EFCAB6: variants seen among roughly 807,000 people sequenced by gnomAD.
EFCAB6 encodes the protein EF-hand calcium binding domain 6.
A neutral mutation model predicts 169.8 loss-of-function variants in EFCAB6; 156 were observed. That is an observed-to-expected ratio of 0.92 (90% CI 0.81 to 1.05). The LOEUF is 1.05. EFCAB6 is among the 50% of genes least tolerant of loss of function. EFCAB6 has a pLI of 0.00. For synonymous variants in EFCAB6, 698 were observed against 676.4 expected, an observed-to-expected ratio of 1.03 and a Z score of -0.50; for missense variants, 1,800 against 1,829.1, an observed-to-expected ratio of 0.98 and a Z score of 0.29.
chr22:43,612,739 A>G (rs1211263622), intron 21 of EFCAB6, among the ~76,000 whole-genome samples: 2 of 151,886 alleles, frequency 1.3e-5, no homozygotes, highest in Admixed American at 1.3e-4. Context: ...TAAAAATACA[A>G]AAAAATTAGC....
chr22:43,664,427 A>G (rs1033980875), intron 17 of EFCAB6, among the ~76,000 whole-genome samples: 2 of 152,256 alleles, frequency 1.3e-5, no homozygotes, highest in Admixed American at 1.3e-4. Context: ...GGGGAGGGCA[A>G]GCAAACAGAC....
intron 2 of EFCAB6, among the ~76,000 whole-genome samples, chr22:43,784,794 T>A (rs868397231): frequency 4.0e-5 from 6 of 148,574 alleles, no homozygotes; most frequent in Admixed American, 6.8e-5. Flanking sequence ...GTAGAATCAC[T>A]GAGCCCTGGC....
chr22:43,600,322 C>T, intron 22 of EFCAB6, 59 bp from the exon 23 acceptor site: 1 of 1,558,494 alleles, frequency 6.4e-7, no homozygotes, highest in Non-Finnish European at 8.8e-7. Flanking sequence ...TGTGCTGATG[C>T]TCAGGGTTTG....
intron 24 of EFCAB6, among the ~76,000 whole-genome samples, chr22:43,584,068 G>A (rs2050899964): frequency 6.6e-6 from 1 of 152,142 alleles, no homozygotes; most frequent in Non-Finnish European, 1.5e-5. Context: ...TAGTTTTCAA[G>A]TTTTAGAATC....
intron 11 of EFCAB6, among the ~76,000 whole-genome samples, chr22:43,685,086 G>A (rs1051390496): frequency 1.3e-5 from 2 of 152,226 alleles, no homozygotes; most frequent in African/African-American, 4.8e-5. Context: ...GGATTTGTGT[G>A]TTTTCAGTTG....
At chr22:43,560,746 A>G (rs2048978296) in intron 26 of EFCAB6, among the ~76,000 whole-genome samples, 1 of 152,174 alleles carries the variant, frequency 6.6e-6, no homozygotes, top group African/African-American at 2.4e-5. Flanking sequence ...GAGGCCGAGA[A>G]ATGCCTGAAG....
In EFCAB6 at chr22:43,528,954, T is replaced by C. The variant is rs2046897532; in HGVS notation, c.4405A>G (p.Asn1469Asp). The C allele has an allele frequency of 6.2e-7, 1 of 1,603,892 alleles. No homozygotes were observed. Among genetic ancestry groups the C allele is most frequent in the Non-Finnish European group, 8.5e-7 (1 of 1,171,734 alleles). Reference protein sequence around the residue: ...FRTVLRQYSINLSEEEFFHIL... With the variant: ...FRTVLRQYSIDLSEEEFFHIL... ...TGGAAGAACTCTTCCTCAGAGAGGT[T>C]GATGCTGTACTGTCTCAGGACCTGG... is the stretch of plus-strand genomic sequence containing the variant. Residue 1469 changes from asparagine (N) to aspartate (D), a missense_variant, in exon 32 of 32, where the codon AAC becomes GAC. Transcript: ENST00000262726.
At chr22:43,771,256 C>A (rs112008680) in intron 4 of EFCAB6, among the ~76,000 whole-genome samples, 50 of 152,204 alleles carry the variant, frequency 3.3e-4, no homozygotes, top group African/African-American at 1.1e-3. Context: ...CATGCAGAAA[C>A]CCCGTCTCTA....
intron 26 of EFCAB6, among the ~76,000 whole-genome samples, chr22:43,567,130 G>A (rs1019710458): frequency 1.1e-4 from 15 of 132,586 alleles, no homozygotes; most frequent in Non-Finnish European, 2.0e-4. Flanking sequence ...CATCCTCCTC[G>A]TCCTCCTCAT....
chr22:43,740,660 T>C (rs926447059), intron 6 of EFCAB6, among the ~76,000 whole-genome samples: 2 of 152,150 alleles, frequency 1.3e-5, no homozygotes, highest in Non-Finnish European at 2.9e-5. Context: ...TTGGCTAACA[T>C]GGCCTCAGTA....
intron 2 of EFCAB6, among the ~76,000 whole-genome samples, chr22:43,783,153 A>T (rs1445212920): frequency 6.6e-6 from 1 of 152,236 alleles, no homozygotes; most frequent in African/African-American, 2.4e-5. Flanking sequence ...GAGTTCACTC[A>T]GTGAACACAG....
chr22:43,586,720 A>C (rs2051098552), intron 24 of EFCAB6, among the ~76,000 whole-genome samples: 1 of 152,178 alleles, frequency 6.6e-6, no homozygotes, highest in Non-Finnish European at 1.5e-5. Flanking sequence ...AAAAGGTTTA[A>C]AACAGTGGTT....
intron 26 of EFCAB6, among the ~76,000 whole-genome samples, chr22:43,561,723 T>C (rs1381531061): frequency 1.3e-5 from 2 of 152,244 alleles, no homozygotes; most frequent in Non-Finnish European, 2.9e-5. Context: ...CAGATGGCTC[T>C]TGGTCTGGCG....
At chr22:43,546,461 G>GT (rs539623601) in intron 27 of EFCAB6, among the ~76,000 whole-genome samples, 40 of 152,290 alleles carry the variant, frequency 2.6e-4, no homozygotes, top group Non-Finnish European at 5.0e-4. Flanking sequence ...CTTAAAAGCA[G>GT]TATCAGTGGG....
intron 8 of EFCAB6, among the ~76,000 whole-genome samples, chr22:43,720,518 AT>A (rs899646707): frequency 2.0e-5 from 3 of 152,080 alleles, no homozygotes; most frequent in Non-Finnish European, 4.4e-5. Context: ...TCTCTAAAAA[AT>A]AAAATAAAAT....
At chr22:43,652,572 A>G (rs771365397) in intron 17 of EFCAB6, among the ~76,000 whole-genome samples, 35 of 152,190 alleles carry the variant, frequency 2.3e-4, no homozygotes, top group Non-Finnish European at 3.8e-4. Context: ...CCAAAATTCA[A>G]TCCAGCCTCA....
intron 7 of EFCAB6, among the ~76,000 whole-genome samples, chr22:43,732,224 C>A (rs946543017): frequency 2.6e-5 from 4 of 152,026 alleles, no homozygotes; most frequent in African/African-American, 9.7e-5. Flanking sequence ...AGTCAGCCAG[C>A]ACAAAATTTC....
intron 26 of EFCAB6, among the ~76,000 whole-genome samples, chr22:43,558,766 A>AT (rs75384687): frequency 1.3e-5 from 2 of 152,176 alleles, no homozygotes; most frequent in Non-Finnish European, 2.9e-5. Flanking sequence ...AAGCTATGTA[A>AT]TTTTTTTAGA....
At chr22:43,653,747 G>A (rs569018654) in intron 17 of EFCAB6, among the ~76,000 whole-genome samples, 1 of 152,246 alleles carries the variant, frequency 6.6e-6, no homozygotes, top group South Asian at 2.1e-4. Flanking sequence ...GAATTAGCTT[G>A]AGAGGGAGCG....
Sources: gnomAD v4.1 joint callset for allele counts (sites outside exome capture counted in the v4.1 genomes callset) on GRCh38, gnomAD v4.1.1 for gene constraint, MANE v1.5 for transcripts, NCBI Gene and HGNC (gene_info 2026-07-23, HGNC 2026-07-21) for gene names.